Variants in CLCN3 observed in about 807,000 individuals in gnomAD.
CLCN3 encodes H(+)/Cl(-) exchange transporter 3.
In CLCN3, 16 loss-of-function variants were observed where a neutral mutation model predicts 83.4. That is an observed-to-expected ratio of 0.19 (90% CI 0.13 to 0.29). The LOEUF is 0.29. Ranked by LOEUF, CLCN3 falls within the 10% of genes least tolerant of loss-of-function variation. The pLI is 1.00. For missense variants in CLCN3, 544 were observed against 1,006.0 expected (o/e 0.54, Z 6.21); for synonymous variants, 322 against 346.2 (o/e 0.93, Z 0.78).
chr4:169,719,951 T>C lies in CLCN3; in HGVS notation c.2411T>C (p.Met804Thr), dbSNP rs1733570288. ...IITKKDILRH[M>T]AQTANQDPAS... ...ACAAAAAAAGATATCCTCCGGCATA[T>C]GGCCCAGACGGCAAACCAAGACCCC... The change falls in exon 13 of 13, where the codon ATG (methionine) becomes ACG (threonine). Residue 804 changes from methionine to threonine, a missense_variant. Physicochemically the swap from Met to Thr is moderately conservative, Grantham distance 81. This residue lies in a region of CLCN3 where 142 missense variants were observed against 225.0 expected (regional missense o/e 0.63). Coordinates refer to ENST00000513761, the MANE Select transcript of CLCN3 (RefSeq NM_001829.4). 6.2e-7 allele frequency: 1 copy of C among 1,614,028 alleles called. No individual in the cohort carries two copies. The highest frequency in any genetic ancestry group is 1.1e-5 in the South Asian group (1 of 91,052).
At chr4:169,656,408 A>G (rs1331562423) in intron 2 of CLCN3, among the ~76,000 whole-genome samples, 1 of 152,150 alleles carries the variant, frequency 6.6e-6, no homozygotes. Context: ...TTAAAGAACC[A>G]GATCTCATGA....
intron 2 of CLCN3, among the ~76,000 whole-genome samples, chr4:169,661,439 G>A (rs1212286651): frequency 6.6e-6 from 1 of 152,024 alleles, no homozygotes. Context: ...TATACTTTGT[G>A]TTCTGATAAC....
Position 169,720,101 on chromosome 4 carries a change from C to CA in CLCN3, c.*111dup. ...TCATCTACTTTTTTTTCCTCCTTTA[C>CA]AAAAAAAGAAAGGAAATATAAAAGC... On this transcript the variant is annotated 3_prime_UTR_variant, in exon 13 of 13. Transcript: ENST00000513761. 4 of 1,508,326 alleles carry CA rather than the reference C, an allele frequency of 2.7e-6. No homozygotes were observed. Among genetic ancestry groups the CA allele is most frequent in the Admixed American group, 4.4e-5 (2 of 45,148 alleles). 93.4% of individuals were successfully genotyped at this position (1,508,326 alleles called of 1,614,324 possible).
rs552062060 is a variant in CLCN3, at chr4:169,630,465, A to T, written c.-16-5448A>T. 9.9e-5 allele frequency among the ~76,000 whole-genome samples: 15 copies of T among 152,270 alleles called. No homozygotes were observed. In the East Asian group the frequency reaches 1.9e-3, roughly 20 times the overall value. On this transcript the variant is annotated intron_variant, in intron 1 of 12. Coordinates refer to ENST00000513761, the MANE Select transcript of CLCN3 (RefSeq NM_001829.4). Reference sequence around the variant, plus strand: ...CCATTGCTGCAAAGGACTTGATTTTATTCTTTTTATGGCTGTGTAGTGTTC... The same window carrying T: ...CCATTGCTGCAAAGGACTTGATTTTTTTCTTTTTATGGCTGTGTAGTGTTC...
At chr4:169,651,221 T>G (rs565300971) in intron 2 of CLCN3, among the ~76,000 whole-genome samples, 101 of 152,034 alleles carry the variant, frequency 6.6e-4, no homozygotes, top group Middle Eastern at 3.4e-3. Flanking sequence ...CTAAAATGAT[T>G]ACCTCTTCAC....
At chr4:169,705,661 A>G (rs1388140481) in intron 10 of CLCN3, among the ~76,000 whole-genome samples, 2 of 152,312 alleles carry the variant, frequency 1.3e-5, no homozygotes, top group East Asian at 3.9e-4. Context: ...TGTAATACAT[A>G]GTAGGTAGGA....
chr4:169,675,306 C>T (rs1731632701), intron 2 of CLCN3, among the ~76,000 whole-genome samples: 1 of 152,184 alleles, frequency 6.6e-6, no homozygotes, highest in Admixed American at 6.5e-5. Flanking sequence ...TTCACATGAT[C>T]TCTTGATCTA....
chr4:169,695,520 T>C (rs1217930749), intron 7 of CLCN3, 92 bp from the exon 8 acceptor site: 6 of 906,712 alleles, frequency 6.6e-6, no homozygotes, highest in Non-Finnish European at 1.1e-5. Flanking sequence ...ATTCAGAAAA[T>C]CCATTTGGAA....
In CLCN3 at chr4:169,671,790, C is replaced by G. The variant is rs557105535; in HGVS notation, c.161-8260C>G. Among the ~76,000 whole-genome samples the G allele has an allele frequency of 8.5e-5, 13 of 152,170 alleles. No homozygotes were observed. The East Asian group carries it at 2.5e-3, about 30-fold the overall frequency. On this transcript the variant is annotated intron_variant, in intron 2 of 12. Transcript: ENST00000513761. ...GGAGGGGTCAAGAAAATAGCATGGA[C>G]TAAGGAACTTGCTTAGTCTTTCCTG...
intron 1 of CLCN3, among the ~76,000 whole-genome samples, chr4:169,622,765 T>G (rs565003141): frequency 6.6e-6 from 1 of 152,268 alleles, no homozygotes; most frequent in South Asian, 2.1e-4. Flanking sequence ...GGGAGTATGA[T>G]TTCAGAGTTC....
At position 169,635,837 on chromosome 4, in the gene CLCN3, T is replaced by C. The variant is rs538791858; in HGVS notation, c.-16-76T>C. ...TTTTTTAGCACATAGATCATAACTT[T>C]CCTTTTGTGATGTTAAACTAGATGA... On this transcript the variant is annotated intron_variant, in intron 1 of 12. Coordinates refer to ENST00000513761, the MANE Select transcript of CLCN3 (RefSeq NM_001829.4). 1.1e-4 allele frequency: 134 copies of C among 1,209,512 alleles called. No homozygotes were observed. The East Asian group carries it at 3.1e-3, about 28-fold the overall frequency. The allele number at this position is 1,209,512 out of a possible 1,614,324, so 74.9% of individuals were successfully genotyped here.
intron 1 of CLCN3, among the ~76,000 whole-genome samples, chr4:169,628,192 T>C (rs1268609519): frequency 6.6e-6 from 1 of 152,114 alleles, no homozygotes. Context: ...AATATAAAAA[T>C]ATTAAACTAT....
At chr4:169,624,984 G>A (rs1560823490) in intron 1 of CLCN3, among the ~76,000 whole-genome samples, 1 of 151,986 alleles carries the variant, frequency 6.6e-6, no homozygotes, top group African/African-American at 2.4e-5. Flanking sequence ...TAGAGACGGG[G>A]TTTCCCCATG....
At chr4:169,712,504 A>C (rs1733260591) in intron 11 of CLCN3, among the ~76,000 whole-genome samples, 1 of 152,232 alleles carries the variant, frequency 6.6e-6, no homozygotes, top group African/African-American at 2.4e-5. Flanking sequence ...GTCTGTGTGC[A>C]TTATGAGCAT....
Position 169,706,132 on chromosome 4 carries a change from G to A in CLCN3, c.1751-736G>A, listed in dbSNP as rs117553114. ...TGCAGCCTCAAACCCCAGCCCAAAC[G>A]AGCCTCCCACCTCAGCCTCCCAAGT... On this transcript the variant is annotated intron_variant, in intron 10 of 12. Coordinates refer to ENST00000513761, the MANE Select transcript of CLCN3 (RefSeq NM_001829.4). 1.6e-3 allele frequency among the ~76,000 whole-genome samples: 236 copies of A among 152,036 alleles called. 7 individuals are homozygous for A. The East Asian group carries it at 0.039, about 25-fold the overall frequency.
chr4:169,689,911 A>G (rs1375406493), intron 5 of CLCN3, among the ~76,000 whole-genome samples: 1 of 152,108 alleles, frequency 6.6e-6, no homozygotes, highest in African/African-American at 2.4e-5. Context: ...ATTTGTTTCC[A>G]CTGTTTCCAA....
intron 1 of CLCN3, among the ~76,000 whole-genome samples, chr4:169,621,947 C>T (rs1442023798): frequency 1.3e-5 from 2 of 152,194 alleles, no homozygotes; most frequent in Non-Finnish European, 2.9e-5. Flanking sequence ...GGTGCTGCTG[C>T]TATTCAGTGT....
rs370794121 is a variant in CLCN3, at chr4:169,683,050, A to T, written c.318+2843A>T. 5.3e-5 allele frequency among the ~76,000 whole-genome samples: 8 copies of T among 152,320 alleles called. No individual in the cohort carries two copies. In the South Asian group the frequency reaches 1.5e-3, roughly 28 times the overall value. On this transcript the variant is annotated intron_variant, in intron 3 of 12. Coordinates refer to ENST00000513761, the MANE Select transcript of CLCN3 (RefSeq NM_001829.4). Reference sequence around the variant, plus strand: ...ACACACTATAAATCCTGTGTCTTGTATGATCATTAGGTAAATACATTTGTA... The same window carrying T: ...ACACACTATAAATCCTGTGTCTTGTTTGATCATTAGGTAAATACATTTGTA...
chr4:169,668,042 C>CGTTT (rs780656327), intron 2 of CLCN3, among the ~76,000 whole-genome samples: 11 of 93,666 alleles, frequency 1.2e-4, no homozygotes, highest in Admixed American at 1.2e-3. Context: ...CCCGGCCAGA[C>CGTTT]ATTTTTTTTT....
Sources: allele counts gnomAD v4.1 joint callset (sites outside exome capture counted in the v4.1 genomes callset), GRCh38; gene constraint gnomAD v4.1.1; regional missense constraint gnomAD v4.1.1; transcripts MANE v1.5; gene names NCBI Gene and HGNC (gene_info 2026-07-23, HGNC 2026-07-21).